ZDHHC7: variants seen among roughly 807,000 people sequenced by gnomAD.
ZDHHC7 encodes the protein zDHHC palmitoyltransferase 7, also known as palmitoyltransferase ZDHHC7.
A neutral mutation model predicts 34.1 loss-of-function variants in ZDHHC7; 12 were observed. The observed-to-expected ratio is 0.35, with a 90% CI of 0.23 to 0.57. ZDHHC7 has a LOEUF of 0.57. ZDHHC7 is among the 20% of genes least tolerant of loss of function. The pLI, the probability that ZDHHC7 is intolerant of heterozygous loss-of-function variation, is 0.84. For synonymous variants in ZDHHC7, 185 were observed against 155.4 expected, an observed-to-expected ratio of 1.19 and a Z score of -1.42; for missense variants, 388 against 402.7, an observed-to-expected ratio of 0.96 and a Z score of 0.31.
intron 3 of ZDHHC7, among the ~76,000 whole-genome samples, chr16:84,989,168 T>C (rs1330601469): frequency 1.3e-5 from 2 of 152,250 alleles, no homozygotes; most frequent in African/African-American, 4.8e-5. Context: ...ACAAAGCCAC[T>C]GGCAGACTTT....
chr16:85,014,568 G>C (rs1175600313), upstream of ZDHHC7, among the ~76,000 whole-genome samples: 1 of 152,162 alleles, frequency 6.6e-6, no homozygotes, highest in Non-Finnish European at 1.5e-5. Context: ...TACAGAACAA[G>C]AACAGCGAGG....
upstream of ZDHHC7, among the ~76,000 whole-genome samples, chr16:85,015,703 G>A (rs1486140007): frequency 6.6e-6 from 1 of 151,950 alleles, no homozygotes; most frequent in African/African-American, 2.4e-5. Flanking sequence ...AAATTGGCTG[G>A]GCGTGGTGGC....
Position 85,011,135 on chromosome 16 carries a change from G to A in ZDHHC7, c.-104+151C>T, listed in dbSNP as rs888661385. Among the ~76,000 whole-genome samples the A allele has an allele frequency of 2.6e-5, 4 of 152,362 alleles. No individual in the cohort carries two copies. In the South Asian group the frequency reaches 6.2e-4, roughly 24 times the overall value. On this transcript the variant is annotated intron_variant, in intron 1 of 7. Transcript: ENST00000313732. ...AAGGGAAGTCAGGTGCGGGCACGGA[G>A]GTGCCCCTAGGAACTCCAGAAGGTC...
intron 2 of ZDHHC7, 70 bp from the exon 3 acceptor site, chr16:84,990,705 TAC>T: frequency 7.5e-7 from 1 of 1,337,606 alleles, no homozygotes; most frequent in Non-Finnish European, 1.0e-6. Flanking sequence ...TATGATGTGT[TAC>T]AGTTTGTCCT....
chr16:84,983,885 C>G (rs1168021153), intron 3 of ZDHHC7, among the ~76,000 whole-genome samples: 2 of 151,126 alleles, frequency 1.3e-5, no homozygotes, highest in East Asian at 2.0e-4. Context: ...TTGTAATATC[C>G]CAGCTACTCG....
intron 3 of ZDHHC7, among the ~76,000 whole-genome samples, chr16:84,989,094 C>G (rs1481187561): frequency 1.3e-5 from 2 of 152,214 alleles, no homozygotes; most frequent in African/African-American, 4.8e-5. Context: ...CTTTAATTCT[C>G]TGAAGGCACA....
At chr16:84,999,577 A>C (rs986610017) in intron 1 of ZDHHC7, among the ~76,000 whole-genome samples, 1 of 152,218 alleles carries the variant, frequency 6.6e-6, no homozygotes, top group African/African-American at 2.4e-5. Flanking sequence ...GCTAAATCTC[A>C]AAAATATTAT....
At chr16:85,024,294 C>T in the ZDHHC7 span, among the ~76,000 whole-genome samples, 18 of 143,424 alleles carry the variant, frequency 1.3e-4, no homozygotes, top group Non-Finnish European at 2.0e-4. Flanking sequence ...TGCAATGGCA[C>T]GATCTCGGCT....
upstream of ZDHHC7, among the ~76,000 whole-genome samples, chr16:85,013,242 A>G (rs564200057): frequency 3.2e-4 from 49 of 152,022 alleles, no homozygotes; most frequent in African/African-American, 1.1e-3. Flanking sequence ...TTTTATTATT[A>G]TTATTATTAT....
intron 4 of ZDHHC7, among the ~76,000 whole-genome samples, chr16:84,981,644 C>G (rs1177742048): frequency 1.3e-5 from 2 of 152,216 alleles, no homozygotes; most frequent in Non-Finnish European, 2.9e-5. Flanking sequence ...GAGGGGATCC[C>G]TGAATCCATA....
chr16:85,005,847 T>C (rs2072710682), intron 1 of ZDHHC7, among the ~76,000 whole-genome samples: 1 of 152,308 alleles, frequency 6.6e-6, no homozygotes, highest in Non-Finnish European at 1.5e-5. Flanking sequence ...ACATTCCTCA[T>C]GCAACCAGGA....
chr16:84,977,823 T>C lies in ZDHHC7; in HGVS notation c.619+101A>G, dbSNP rs1024098714. Reference sequence around the variant, plus strand: ...TCAATTGCTAAAATAATTGCAATGATTTCCTTCAAAATTGGAAAACTGGTT... The same window carrying C: ...TCAATTGCTAAAATAATTGCAATGACTTCCTTCAAAATTGGAAAACTGGTT... On this transcript the variant is annotated intron_variant, in intron 6 of 7. Transcript: ENST00000313732. 22 of 891,612 alleles carry C rather than the reference T, an allele frequency of 2.5e-5. No individual in the cohort carries two copies. In the African/African-American group the frequency reaches 3.7e-4, roughly 15 times the overall value. 55.2% of individuals were successfully genotyped at this position (891,612 alleles called of 1,614,324 possible).
chr16:84,988,593 C>T (rs959338836), intron 3 of ZDHHC7, among the ~76,000 whole-genome samples: 2 of 152,206 alleles, frequency 1.3e-5, no homozygotes, highest in Non-Finnish European at 2.9e-5. Flanking sequence ...CTTCTGGGGC[C>T]TTTTCCGCAG....
intron 6 of ZDHHC7, 23 bp from the exon 7 acceptor site, chr16:84,977,248 T>C: frequency 1.9e-6 from 3 of 1,613,466 alleles, no homozygotes; most frequent in Non-Finnish European, 2.5e-6. Context: ...GGAAGTTGGT[T>C]ATAACTGGTC....
At chr16:85,012,928 C>A (rs546986247), upstream of ZDHHC7, among the ~76,000 whole-genome samples, 22 of 151,970 alleles carry the variant, frequency 1.4e-4, no homozygotes, top group East Asian at 7.7e-4. Context: ...AAAGAAAAAA[C>A]CAGAATATAT....
the ZDHHC7 span, among the ~76,000 whole-genome samples, chr16:85,021,408 CCA>C: frequency 1.7e-5 from 1 of 59,654 alleles, no homozygotes; most frequent in Non-Finnish European, 2.7e-5. Flanking sequence ...GAGACTCCAT[CCA>C]AAAAAAAAAA....
At chr16:84,991,236 A>G (rs998242279) in intron 2 of ZDHHC7, among the ~76,000 whole-genome samples, 6 of 151,968 alleles carry the variant, frequency 3.9e-5, no homozygotes, top group African/African-American at 1.5e-4. Flanking sequence ...TCCCATTTTT[A>G]TATCTCTGTT....
At chr16:85,003,714 G>C (rs2072681244) in intron 1 of ZDHHC7, among the ~76,000 whole-genome samples, 1 of 152,164 alleles carries the variant, frequency 6.6e-6, no homozygotes, top group Non-Finnish European at 1.5e-5. Context: ...TTCTAGAAGG[G>C]CATTTCATAT....
chr16:85,010,950 G>T (rs1252814434), intron 1 of ZDHHC7, among the ~76,000 whole-genome samples: 2 of 152,252 alleles, frequency 1.3e-5, no homozygotes, highest in Non-Finnish European at 1.5e-5. Context: ...AGCTTACACA[G>T]GGTTTATAGC....
Sources: gnomAD v4.1 joint callset for allele counts (sites outside exome capture counted in the v4.1 genomes callset) on GRCh38, gnomAD v4.1.1 for gene constraint, MANE v1.5 for transcripts, NCBI Gene and HGNC (gene_info 2026-07-23, HGNC 2026-07-21) for gene names.